Variants in ATG2B observed in about 807,000 individuals in gnomAD.
ATG2B encodes the protein autophagy-related protein 2 homolog B.
In ATG2B, 121 loss-of-function variants were observed where a neutral mutation model predicts 241.3. That is an observed-to-expected ratio of 0.50 (90% confidence interval 0.43 to 0.58). The LOEUF (loss-of-function observed/expected upper bound fraction) is 0.58. Ranked by LOEUF, ATG2B falls within the 20% of genes least tolerant of loss-of-function variation. The pLI is 0.00. For missense variants in ATG2B, 2,306 were observed against 2,491.6 expected (o/e 0.93, Z 1.59); for synonymous variants, 858 against 876.6 (o/e 0.98, Z 0.37).
At chr14:96,335,395 T>C (rs1566729857) in intron 6 of ATG2B, among the ~76,000 whole-genome samples, 1 of 152,170 alleles carries the variant, frequency 6.6e-6, no homozygotes, top group Non-Finnish European at 1.5e-5. Context: ...AACTACATAA[T>C]GATTGAGAAA....
At chr14:96,287,274 CG>C (rs1359520177) in intron 41 of ATG2B, among the ~76,000 whole-genome samples, 2 of 106,432 alleles carry the variant, frequency 1.9e-5, no homozygotes, top group Non-Finnish European at 4.0e-5. Flanking sequence ...AAAAAAAAAA[CG>C]TGTCCAGAAA....
At chr14:96,297,312 C>T (rs979802502) in intron 34 of ATG2B, among the ~76,000 whole-genome samples, 1 of 151,038 alleles carries the variant, frequency 6.6e-6, no homozygotes, top group Non-Finnish European at 1.5e-5. Flanking sequence ...AAAAGGGAGA[C>T]TAAAGATACA....
rs183770027 is a variant in ATG2B, at chr14:96,334,561, A to G, written c.925-60T>C. ...ATTCTTTATAACCTTATCACCATAA[A>G]CGTCAGTATATTTTAATGAACTGAG... On this transcript the variant is annotated intron_variant, in intron 6 of 41. Coordinates refer to ENST00000359933, the MANE Select transcript of ATG2B (RefSeq NM_018036.7). The G allele has an allele frequency of 1.2e-3, 1,132 of 959,686 alleles. 3 individuals carry two copies. The highest frequency in any genetic ancestry group is 2.6e-3 in the Admixed American group (107 of 40,584). The allele number at this position is 959,686 out of a possible 1,614,324, so 59.4% of individuals were successfully genotyped here.
intron 3 of ATG2B, among the ~76,000 whole-genome samples, chr14:96,344,988 TC>T (rs1888134266): frequency 6.6e-6 from 1 of 152,012 alleles, no homozygotes; most frequent in Non-Finnish European, 1.5e-5. Flanking sequence ...ACTAACACTA[TC>T]TGTTATATTC....
At chr14:96,323,476 T>C (rs1033522481) in intron 16 of ATG2B, among the ~76,000 whole-genome samples, 10 of 152,190 alleles carry the variant, frequency 6.6e-5, no homozygotes, top group Non-Finnish European at 1.5e-4. Context: ...ATTCCCTAGG[T>C]AGTGGTGTTA....
rs1050132009 is a variant in ATG2B at position 96,303,311 on chromosome 14, T to C, written c.4843-56A>G. 5.9e-6 allele frequency: 8 copies of C among 1,346,708 alleles called. No individual in the cohort carries two copies. In the African/African-American group the frequency reaches 9.0e-5, roughly 15 times the overall value. 83.4% of individuals were successfully genotyped at this position (1,346,708 alleles called of 1,614,324 possible). A position where few individuals can be genotyped will look rare whatever the true frequency, so the allele number is the denominator to read the frequency against. Reference sequence around the variant, plus strand: ...AGTTCTTTACATTCCTTTTATTAAATTGTATTTTCTCTTTAAAATGCAAAA... The same window carrying C: ...AGTTCTTTACATTCCTTTTATTAAACTGTATTTTCTCTTTAAAATGCAAAA... On this transcript the variant is annotated intron_variant, in intron 32 of 41. Coordinates refer to ENST00000359933, the MANE Select transcript of ATG2B (RefSeq NM_018036.7).
Position 96,289,866 on chromosome 14 carries a change from A to G in ATG2B, c.5857-61T>C. Reference sequence around the variant, plus strand: ...AAGAAAGTCTGAAGAGTTACGGACCAGCAGAGCACTTCCTACAGGGAGTGA... The same window carrying G: ...AAGAAAGTCTGAAGAGTTACGGACCGGCAGAGCACTTCCTACAGGGAGTGA... On this transcript the variant is annotated intron_variant, in intron 40 of 41. Transcript: ENST00000359933. The surrounding 1 kb of genome is among the most constrained non-coding windows in gnomAD (Gnocchi z 4.3). The G allele has an allele frequency of 6.4e-7, 1 of 1,568,784 alleles. No homozygotes were observed. Among genetic ancestry groups the G allele is most frequent in the South Asian group, 1.1e-5 (1 of 88,316 alleles).
At chr14:96,315,271 T>G in intron 22 of ATG2B, 37 bp from the exon 23 acceptor site, 1 of 1,586,642 alleles carries the variant, frequency 6.3e-7, no homozygotes, top group African/African-American at 1.3e-5. Context: ...ATTTACCACC[T>G]ATGTAATCCT....
At chr14:96,356,230 C>T (rs1184483757) in intron 1 of ATG2B, among the ~76,000 whole-genome samples, 1 of 151,504 alleles carries the variant, frequency 6.6e-6, no homozygotes, top group African/African-American at 2.4e-5. Context: ...GCACCTACTA[C>T]AAACAGGACA....
intron 34 of ATG2B, among the ~76,000 whole-genome samples, chr14:96,297,788 A>G (rs536096703): frequency 4.0e-5 from 6 of 151,628 alleles, no homozygotes; most frequent in Admixed American, 3.9e-4. Flanking sequence ...CAACAACTCA[A>G]TTTTATTTTA....
At chr14:96,346,917 C>T (rs1700661061) in intron 2 of ATG2B, among the ~76,000 whole-genome samples, 1 of 152,108 alleles carries the variant, frequency 6.6e-6, no homozygotes, top group Non-Finnish European at 1.5e-5. Context: ...TCTTTAAAAC[C>T]CAAGTCTCAT....
At chr14:96,352,941 T>C (rs1324958685) in intron 1 of ATG2B, among the ~76,000 whole-genome samples, 2 of 152,218 alleles carry the variant, frequency 1.3e-5, no homozygotes, top group African/African-American at 4.8e-5. Flanking sequence ...CAGAGGAATT[T>C]CTAGTCCTGC....
intron 32 of ATG2B, among the ~76,000 whole-genome samples, 168 bp from the exon 33 acceptor site, chr14:96,303,423 A>C (rs1184081527): frequency 6.6e-6 from 1 of 152,068 alleles, no homozygotes; most frequent in African/African-American, 2.4e-5. Flanking sequence ...TCACTTGTTC[A>C]CTCATTTATT....
chr14:96,308,278 A>ATT (rs1566719982), intron 29 of ATG2B, among the ~76,000 whole-genome samples: 1 of 27,718 alleles, frequency 3.6e-5, no homozygotes, highest in African/African-American at 1.6e-4. Flanking sequence ...ATATATATAT[A>ATT]TATATTTTTT....
At chr14:96,352,803 G>A (rs1595335671) in intron 1 of ATG2B, among the ~76,000 whole-genome samples, 1 of 150,082 alleles carries the variant, frequency 6.7e-6, no homozygotes, top group Admixed American at 6.9e-5. Context: ...AAAAAAAAAA[G>A]ATGTCTTTAT....
chr14:96,320,660 T>C (rs1887435900), intron 18 of ATG2B, among the ~76,000 whole-genome samples: 1 of 152,200 alleles, frequency 6.6e-6, no homozygotes. Context: ...GTTTAAGGTA[T>C]GTATTACTGT....
Position 96,363,128 on chromosome 14 carries a change from A to C in ATG2B, c.-152T>G. ...GCCGGGAGTCCCTCAGGGAGACCCC[A>C]TCGCCGGCGCCGCACCGCTCGCGCT... On this transcript the variant is annotated 5_prime_UTR_variant, in exon 1 of 42. An upstream start codon of the reference 5' UTR is lost. Coordinates refer to ENST00000359933, the MANE Select transcript of ATG2B (RefSeq NM_018036.7). 1.2e-6 allele frequency: 1 copy of C among 812,656 alleles called. No individual in the cohort carries two copies. The highest frequency in any genetic ancestry group is 2.0e-6 in the Non-Finnish European group (1 of 510,556). 50.3% of individuals were successfully genotyped at this position (812,656 alleles called of 1,614,324 possible).
chr14:96,287,705 A>G (rs1182206598), intron 41 of ATG2B, among the ~76,000 whole-genome samples: 1 of 152,260 alleles, frequency 6.6e-6, no homozygotes, highest in African/African-American at 2.4e-5. Flanking sequence ...ACCACCAAAT[A>G]GAACTATGTA....
chr14:96,304,546 A>C lies in ATG2B; in HGVS notation c.4791T>G (p.Cys1597Trp). Residue 1597 changes from cysteine to tryptophan, a missense_variant, in exon 32 of 42, where the codon TGT becomes TGG. Coordinates refer to ENST00000359933, the MANE Select transcript of ATG2B (RefSeq NM_018036.7). ...AGTCATGGTTCCTTCCTTTTCCCCC[A>C]CATACTGTATTACGTCCATGTCTCG... The part of the protein sequence containing the change: ...TPTRHGRNTV[C>W]GGKGRNHDFL... 6.2e-7 allele frequency: 1 copy of C among 1,612,402 alleles called. No homozygotes were observed. The highest frequency in any genetic ancestry group is 8.5e-7 in the Non-Finnish European group (1 of 1,179,404).
Sources: gnomAD v4.1 joint callset for allele counts (sites outside exome capture counted in the v4.1 genomes callset) on GRCh38, gnomAD v4.1.1 for gene constraint, Gnocchi (gnomAD v3.1) non-coding constraint, MANE v1.5 for transcripts, NCBI Gene and HGNC (gene_info 2026-07-23, HGNC 2026-07-21) for gene names.